The following RBFOX1 variants were observed in gnomAD, a reference collection of about 807,000 sequenced individuals.
The protein encoded by RBFOX1 is RNA binding fox-1 homolog 1.
RBFOX1 carries 8 observed loss-of-function variants against 57.7 expected under a neutral mutation model. That is an observed-to-expected ratio of 0.14 (90% CI 0.08 to 0.25). The LOEUF is 0.25. Among genes scored for constraint, RBFOX1 ranks in the 10% least tolerant of loss-of-function variants. RBFOX1 has a pLI of 1.00. For synonymous variants in RBFOX1, 326 were observed against 222.4 expected (o/e 1.47, Z -4.15); for missense variants, 611 against 548.5 (o/e 1.11, Z -1.14).
chr16:6,250,552 A>G (rs75420869), intron 1 of RBFOX1, among the ~76,000 whole-genome samples: 19,353 of 152,146 alleles, frequency 0.13, 1,350 homozygotes, highest in Middle Eastern at 0.29. Flanking sequence ...TGGTATTTCA[A>G]CCAGGAGCCC....
At chr16:6,668,598 C>T (rs945134568) in intron 3 of RBFOX1, among the ~76,000 whole-genome samples, 1 of 152,136 alleles carries the variant, frequency 6.6e-6, no homozygotes, top group South Asian at 2.1e-4. Flanking sequence ...GAGAAGCCTT[C>T]TCTGTTGATT....
chr16:7,433,061 C>T (rs2098694774), intron 4 of RBFOX1, among the ~76,000 whole-genome samples: 2 of 152,146 alleles, frequency 1.3e-5, no homozygotes, highest in African/African-American at 2.4e-5. Context: ...CTTGTTTTCC[C>T]AGGATTCTTT....
At chr16:7,091,039 T>C (rs2060759509) in intron 4 of RBFOX1, among the ~76,000 whole-genome samples, 1 of 152,176 alleles carries the variant, frequency 6.6e-6, no homozygotes, top group Non-Finnish European at 1.5e-5. Context: ...AGGATACAAA[T>C]TCCTCTGCCA....
chr16:6,176,971 G>C (rs1015012196), intron 1 of RBFOX1, among the ~76,000 whole-genome samples: 64 of 152,298 alleles, frequency 4.2e-4, no homozygotes, highest in African/African-American at 1.5e-3. Flanking sequence ...TTGGTTGTTG[G>C]CGTTGAATAA....
intron 3 of RBFOX1, among the ~76,000 whole-genome samples, chr16:5,853,403 G>T (rs1041326095): frequency 5.3e-5 from 8 of 152,110 alleles, no homozygotes; most frequent in Non-Finnish European, 8.8e-5. Context: ...CCCTGGGCAC[G>T]GCCTGACCTG....
chr16:6,547,513 T>C (rs930264639), intron 2 of RBFOX1, among the ~76,000 whole-genome samples: 1 of 152,194 alleles, frequency 6.6e-6, no homozygotes, highest in African/African-American at 2.4e-5. Context: ...TGTGGTTCTT[T>C]TTTTTGTTGT....
chr16:6,644,187 C>T (rs997213011), intron 2 of RBFOX1, among the ~76,000 whole-genome samples: 1 of 152,152 alleles, frequency 6.6e-6, no homozygotes, highest in Admixed American at 6.5e-5. Context: ...CATCTAAACT[C>T]ATATTCAGTG....
At chr16:6,399,378 G>T (rs1164423731) in intron 2 of RBFOX1, among the ~76,000 whole-genome samples, 2 of 152,146 alleles carry the variant, frequency 1.3e-5, no homozygotes, top group Admixed American at 6.6e-5. Flanking sequence ...CCAGATATGC[G>T]AAATCATGTC....
intron 2 of RBFOX1, among the ~76,000 whole-genome samples, chr16:6,496,863 G>A (rs1352933980): frequency 1.3e-5 from 2 of 152,160 alleles, no homozygotes; most frequent in African/African-American, 4.8e-5. Context: ...GGGAGGCTGA[G>A]GCAGGAGAGT....
At chr16:7,303,648 C>G (rs992743965) in intron 4 of RBFOX1, among the ~76,000 whole-genome samples, 1 of 152,148 alleles carries the variant, frequency 6.6e-6, no homozygotes, top group Non-Finnish European at 1.5e-5. Flanking sequence ...CCCCTGGACC[C>G]ATTTGACAAA....
chr16:5,878,696 G>A (rs550924850), intron 4 of RBFOX1, among the ~76,000 whole-genome samples: 3 of 144,032 alleles, frequency 2.1e-5, no homozygotes, highest in Admixed American at 6.7e-5. Flanking sequence ...AATCGGGGTC[G>A]AAAAAAAAGA....
intron 3 of RBFOX1, among the ~76,000 whole-genome samples, chr16:7,044,706 A>G (rs1568510447): frequency 6.8e-6 from 1 of 147,318 alleles, no homozygotes; most frequent in Non-Finnish European, 1.5e-5. Context: ...TGGGAGAAAA[A>G]AAATATCACA....
At chr16:5,439,803 C>A (rs772788103) in intron 1 of RBFOX1, among the ~76,000 whole-genome samples, 17 of 152,032 alleles carry the variant, frequency 1.1e-4, no homozygotes, top group Non-Finnish European at 2.1e-4. Flanking sequence ...AGGAAACTTA[C>A]AATCATGGCA....
chr16:6,003,815 G>A (rs2060645516), intron 4 of RBFOX1, among the ~76,000 whole-genome samples: 1 of 152,170 alleles, frequency 6.6e-6, no homozygotes, highest in South Asian at 2.1e-4. Context: ...GAGTGAGGAG[G>A]GTCTGTGCCC....
chr16:6,720,730 T>A (rs1422908871), intron 3 of RBFOX1, among the ~76,000 whole-genome samples: 1 of 152,178 alleles, frequency 6.6e-6, no homozygotes, highest in African/African-American at 2.4e-5. Flanking sequence ...CATGAATGAT[T>A]GGAAACATGA....
intron 3 of RBFOX1, among the ~76,000 whole-genome samples, chr16:5,642,667 C>T (rs2048919703): frequency 6.6e-6 from 1 of 152,016 alleles, no homozygotes; most frequent in African/African-American, 2.4e-5. Flanking sequence ...GCTGGCTAGC[C>T]GATGAATGGG....
intron 4 of RBFOX1, among the ~76,000 whole-genome samples, chr16:7,272,341 C>T (rs1451130437): frequency 2.0e-5 from 3 of 152,076 alleles, no homozygotes; most frequent in Admixed American, 1.3e-4. Context: ...CCCACCACTA[C>T]ACCCAGCTAG....
intron 3 of RBFOX1, among the ~76,000 whole-genome samples, chr16:6,803,106 C>G (rs550376252): frequency 2.0e-5 from 3 of 152,164 alleles, no homozygotes; most frequent in Non-Finnish European, 4.4e-5. Flanking sequence ...ACTCTGCAGA[C>G]TCAAAACCTC....
At chr16:7,385,809 A>G (rs1179438428) in intron 4 of RBFOX1, among the ~76,000 whole-genome samples, 1 of 152,028 alleles carries the variant, frequency 6.6e-6, no homozygotes, top group Admixed American at 6.6e-5. Context: ...GCTGGAGTGC[A>G]GTGGTGCGAC....
Sources: allele counts gnomAD v4.1 joint callset (sites outside exome capture counted in the v4.1 genomes callset), GRCh38; gene constraint gnomAD v4.1.1; transcripts MANE v1.5; gene names NCBI Gene and HGNC (gene_info 2026-07-23, HGNC 2026-07-21).